LRRC3B: variants seen among roughly 807,000 people sequenced by gnomAD.
LRRC3B encodes leucine rich repeat containing 3B.
A neutral mutation model predicts 12.8 loss-of-function variants in LRRC3B; 2 were observed. The ratio of observed to expected loss-of-function variants is 0.16; its 90% CI spans 0.06 to 0.49. The LOEUF is 0.49. Among genes scored for constraint, LRRC3B ranks in the 20% least tolerant of loss-of-function variants. The probability of loss-of-function intolerance (pLI) is 0.96; values close to 1 mark genes in which losing one functional copy is unlikely to be tolerated. For missense variants in LRRC3B, 189 were observed against 319.4 expected (o/e 0.59, Z 3.11); for synonymous variants, 132 against 122.0 (o/e 1.08, Z -0.54).
At chr3:26,687,781 G>A (rs982101995) in intron 1 of LRRC3B, among the ~76,000 whole-genome samples, 2 of 152,168 alleles carry the variant, frequency 1.3e-5, no homozygotes, top group African/African-American at 4.8e-5. Flanking sequence ...TGGTGATAAT[G>A]AGCAATGAAA....
chr3:26,685,575 A>T (rs1700068956), intron 1 of LRRC3B, among the ~76,000 whole-genome samples: 2 of 119,340 alleles, frequency 1.7e-5, no homozygotes, highest in African/African-American at 3.3e-5. Context: ...ATATTCTTCA[A>T]ATATATACAA....
intron 1 of LRRC3B, among the ~76,000 whole-genome samples, chr3:26,635,419 T>G (rs992206098): frequency 2.0e-5 from 3 of 152,178 alleles, no homozygotes. Context: ...TAGATCTAGA[T>G]GAAGTCATGA....
At chr3:26,707,721 G>T (rs1238898911) in intron 1 of LRRC3B, among the ~76,000 whole-genome samples, 2 of 151,838 alleles carry the variant, frequency 1.3e-5, no homozygotes, top group Admixed American at 1.3e-4. Flanking sequence ...CCTTTTCCTA[G>T]AATTCGTTGC....
intron 1 of LRRC3B, among the ~76,000 whole-genome samples, chr3:26,699,864 A>C (rs1700410601): frequency 1.3e-5 from 2 of 152,330 alleles, no homozygotes; most frequent in South Asian, 4.1e-4. Flanking sequence ...CATAATAAAT[A>C]TGGATGTAGC....
At chr3:26,706,477 C>CAGTTCA (rs1700590387) in intron 1 of LRRC3B, among the ~76,000 whole-genome samples, 1 of 152,078 alleles carries the variant, frequency 6.6e-6, no homozygotes, top group Non-Finnish European at 1.5e-5. Context: ...GAAAATGAAA[C>CAGTTCA]AGTTCAAGTC....
intron 1 of LRRC3B, among the ~76,000 whole-genome samples, chr3:26,661,809 C>G (rs1486171609): frequency 6.6e-6 from 1 of 152,142 alleles, no homozygotes; most frequent in Non-Finnish European, 1.5e-5. Flanking sequence ...CCATTAATTT[C>G]CTACACTGCT....
chr3:26,704,400 A>C (rs1445172610), intron 1 of LRRC3B, among the ~76,000 whole-genome samples: 1 of 152,216 alleles, frequency 6.6e-6, no homozygotes, highest in African/African-American at 2.4e-5. Flanking sequence ...GACACTAAAT[A>C]CTATGCCTAA....
intron 1 of LRRC3B, among the ~76,000 whole-genome samples, chr3:26,677,627 A>G (rs933518463): frequency 4.6e-5 from 7 of 152,248 alleles, no homozygotes; most frequent in Admixed American, 1.3e-4. Context: ...TATTTAGAGC[A>G]TGTTAGGACA....
chr3:26,628,786 G>A (rs1480033476), intron 1 of LRRC3B, among the ~76,000 whole-genome samples: 1 of 150,558 alleles, frequency 6.6e-6, no homozygotes, highest in Non-Finnish European at 1.5e-5. Context: ...TCCACCACAG[G>A]TGGTAAGTTA....
At chr3:26,678,362 C>G (rs754285069) in intron 1 of LRRC3B, among the ~76,000 whole-genome samples, 1 of 151,968 alleles carries the variant, frequency 6.6e-6, no homozygotes, top group Non-Finnish European at 1.5e-5. Flanking sequence ...GGTGTGGTGG[C>G]ACATGCCTGT....
At chr3:26,691,091 ATG>A (rs1164705682) in intron 1 of LRRC3B, among the ~76,000 whole-genome samples, 15 of 107,360 alleles carry the variant, frequency 1.4e-4, no homozygotes, top group Admixed American at 2.1e-4. Context: ...GTGTGTGTAT[ATG>A]TGTGTGTGTG....
intron 1 of LRRC3B, among the ~76,000 whole-genome samples, chr3:26,697,675 A>C (rs1031390694): frequency 6.6e-6 from 1 of 152,174 alleles, no homozygotes; most frequent in African/African-American, 2.4e-5. Flanking sequence ...AACATCCCCC[A>C]AAATTCTCAA....
exon 1 of LRRC3B, chr3:26,622,970 G>C (rs1575103999): frequency 6.6e-6 from 1 of 151,436 alleles, no homozygotes; most frequent in Non-Finnish European, 1.5e-5. Flanking sequence ...CCGCACCCTC[G>C]CTCGGTGGCG....
At chr3:26,637,850 A>G (rs1463632922) in intron 1 of LRRC3B, among the ~76,000 whole-genome samples, 1 of 152,262 alleles carries the variant, frequency 6.6e-6, no homozygotes, top group Admixed American at 6.5e-5. Context: ...TGTCATCAAT[A>G]ATAATCTTAA....
At chr3:26,665,952 T>C (rs1699589177) in intron 1 of LRRC3B, among the ~76,000 whole-genome samples, 1 of 152,180 alleles carries the variant, frequency 6.6e-6, no homozygotes, top group Non-Finnish European at 1.5e-5. Flanking sequence ...CTCAAATGTT[T>C]GCAAAGATAA....
intron 1 of LRRC3B, among the ~76,000 whole-genome samples, chr3:26,662,570 A>T (rs1575138366): frequency 6.6e-6 from 1 of 152,146 alleles, no homozygotes; most frequent in Admixed American, 6.5e-5. Flanking sequence ...AGATAGATAG[A>T]TAGACAGACA....
chr3:26,643,230 G>A (rs922007217), intron 1 of LRRC3B, among the ~76,000 whole-genome samples: 1 of 150,534 alleles, frequency 6.6e-6, no homozygotes, highest in Non-Finnish European at 1.5e-5. Context: ...ATGGTGATGT[G>A]GTTTTGTATA....
At chr3:26,702,411 G>C (rs567250584) in intron 1 of LRRC3B, among the ~76,000 whole-genome samples, 6 of 152,242 alleles carry the variant, frequency 3.9e-5, no homozygotes, top group African/African-American at 1.4e-4. Context: ...ATGGCTCATG[G>C]GCCAGAACTT....
intron 1 of LRRC3B, among the ~76,000 whole-genome samples, chr3:26,699,278 T>C (rs368953420): frequency 5.9e-4 from 90 of 152,284 alleles, no homozygotes; most frequent in African/African-American, 1.9e-3. Flanking sequence ...AATAATTAAA[T>C]TTTAAACCTA....
Sources: allele counts gnomAD v4.1 joint callset (sites outside exome capture counted in the v4.1 genomes callset), GRCh38; gene constraint gnomAD v4.1.1; transcripts MANE v1.5; gene names NCBI Gene and HGNC (gene_info 2026-07-23, HGNC 2026-07-21).